ANKRD30B: variants seen among roughly 807,000 people sequenced by gnomAD.
ANKRD30B encodes ankyrin repeat domain 30B, also known as ankyrin repeat domain-containing protein 30B.
Under a neutral mutation model 202.2 loss-of-function variants are expected in ANKRD30B, and 144 were observed. That is an observed-to-expected ratio of 0.71 (90% CI 0.62 to 0.82). The LOEUF (loss-of-function observed/expected upper bound fraction) is 0.82, where lower values mean the gene tolerates loss of function less well. Among genes scored for constraint, ANKRD30B ranks in the 40% least tolerant of loss-of-function variants. The probability of loss-of-function intolerance (pLI) is 0.00; values close to 1 mark genes in which losing one functional copy is unlikely to be tolerated. For synonymous variants in ANKRD30B, 508 were observed against 561.3 expected (o/e 0.91, Z 1.34); for missense variants, 1,487 against 1,669.1 (o/e 0.89, Z 1.90).
At chr18:14,796,119 A>G in intron 16 of ANKRD30B, 102 bp from the exon 17 acceptor site, 2 of 1,284,536 alleles carry the variant, frequency 1.6e-6, no homozygotes, top group South Asian at 1.2e-5. Context: ...TCCCTTTTCA[A>G]TCCAAGCATG....
At chr18:14,795,979 A>G (rs1188424446) in intron 16 of ANKRD30B, among the ~76,000 whole-genome samples, 1 of 151,974 alleles carries the variant, frequency 6.6e-6, no homozygotes, top group African/African-American at 2.4e-5. Flanking sequence ...CAGTTGAAAT[A>G]TATTTTGATT....
At chr18:14,888,909 A>AACAG in the ANKRD30B span, 1 of 1,043,118 alleles carries the variant, frequency 9.6e-7, no homozygotes, top group Non-Finnish European at 1.4e-6. Context: ...TGTTAAAACA[A>AACAG]ACAAACAAAC....
At chr18:14,805,504 A>T (rs978567578) in intron 24 of ANKRD30B, among the ~76,000 whole-genome samples, 2 of 150,518 alleles carry the variant, frequency 1.3e-5, no homozygotes, top group African/African-American at 4.9e-5. Context: ...CGGGTATGAA[A>T]ATCAATGAAT....
rs2143286139 is a variant in ANKRD30B at position 14,853,898 on chromosome 18, G to A, written c.4566G>A (p.Leu1522=). Residue 1522 remains leucine (L), a synonymous_variant, in exon 43 of 44, where the codon CTG becomes CTA. Transcript: ENST00000690538. ...AGGTTACATCACATTCTCACTCTCT[G>A]AGGCATCAATAGAGGCTACATCACA... The part of the protein sequence containing the change: ...SLKVTSHSHS[L]RHQ 6.6e-6 allele frequency among the ~76,000 whole-genome samples: 1 copy of A among 152,252 alleles called. No homozygotes were observed. Among genetic ancestry groups the A allele is most frequent in the South Asian group, 2.1e-4 (1 of 4,814 alleles).
Position 14,752,886 on chromosome 18 carries a change from T to C in ANKRD30B, c.384T>C (p.Ala128=). 3 of 1,609,058 alleles carry C rather than the reference T, an allele frequency of 1.9e-6. No individual in the cohort carries two copies. The highest frequency in any genetic ancestry group is 1.1e-5 in the South Asian group (1 of 90,420). ...REACANILID[A]GADLNYVDVY... ...CTTGTGCAAATATTCTCATAGATGC[T>C]GGTGCTGATCTAAATTATGTAGATG... Residue 128 remains alanine, a synonymous_variant, in exon 3 of 44, where the codon GCT becomes GCC. Coordinates refer to ENST00000690538, the MANE Select transcript of ANKRD30B (RefSeq NM_001367607.2).
At chr18:14,883,098 G>A in the ANKRD30B span, among the ~76,000 whole-genome samples, 1 of 152,082 alleles carries the variant, frequency 6.6e-6, no homozygotes, top group Admixed American at 6.6e-5. Flanking sequence ...GGAAGGGCTG[G>A]GAGGGAATAA....
intron 30 of ANKRD30B, among the ~76,000 whole-genome samples, chr18:14,821,509 G>A (rs1230873886): frequency 6.6e-6 from 1 of 152,170 alleles, no homozygotes; most frequent in Non-Finnish European, 1.5e-5. Flanking sequence ...CCAGGCTGGA[G>A]CGCAGTGGCA....
chr18:14,873,929 A>G, the ANKRD30B span, among the ~76,000 whole-genome samples: 5 of 152,148 alleles, frequency 3.3e-5, no homozygotes, highest in East Asian at 9.7e-4. Context: ...ACCTGCCAGC[A>G]CTTGTTTTCT....
At chr18:14,804,501 A>G (rs905207955) in intron 24 of ANKRD30B, among the ~76,000 whole-genome samples, 6 of 149,230 alleles carry the variant, frequency 4.0e-5, no homozygotes, top group African/African-American at 1.5e-4. Context: ...ACTGTGATTC[A>G]GCCGACTAGG....
the ANKRD30B span, among the ~76,000 whole-genome samples, chr18:14,892,452 G>A: frequency 6.6e-6 from 1 of 151,992 alleles, no homozygotes; most frequent in African/African-American, 2.4e-5. Context: ...TTTACAAGAG[G>A]TGATGGCTGG....
At chr18:14,925,155 G>A in the ANKRD30B span, among the ~76,000 whole-genome samples, 8 of 152,308 alleles carry the variant, frequency 5.3e-5, no homozygotes, top group East Asian at 1.9e-4. Context: ...GGAAGAAAGT[G>A]GAATCTGAGT....
the ANKRD30B span, among the ~76,000 whole-genome samples, chr18:14,925,250 G>A: frequency 6.6e-6 from 1 of 152,202 alleles, no homozygotes; most frequent in Admixed American, 6.5e-5. Flanking sequence ...GACATGGGAA[G>A]CACTGAGCTG....
chr18:14,878,819 T>A, the ANKRD30B span, among the ~76,000 whole-genome samples: 1 of 152,170 alleles, frequency 6.6e-6, no homozygotes, highest in Non-Finnish European at 1.5e-5. Context: ...TCTAAAAGAT[T>A]GTTAAGTAAG....
rs952275282 is a variant in ANKRD30B at position 14,769,367 on chromosome 18, T to C, written c.1250T>C (p.Ile417Thr). The C allele has an allele frequency of 1.9e-6, 3 of 1,545,126 alleles. No individual in the cohort carries two copies. Among genetic ancestry groups the C allele is most frequent in the African/African-American group, 1.4e-5 (1 of 72,830 alleles). Reference protein sequence around the residue: ...TNVDVSSVEPIFSLFGTRTIE... With the variant: ...TNVDVSSVEPTFSLFGTRTIE... ...GTGGATGTGAGTTCTGTAGAGCCTA[T>C]ATTCAGGTAAGACTTTGCGGTTTTT... Residue 417 changes from isoleucine (I) to threonine (T), a missense_variant, in exon 8 of 44, where the codon ATA (isoleucine) becomes ACA (threonine). By Grantham distance (89) the Ile-to-Thr change is moderately conservative. Coordinates refer to ENST00000690538, the MANE Select transcript of ANKRD30B (RefSeq NM_001367607.2).
chr18:14,754,012 A>G (rs1309076595), intron 3 of ANKRD30B, among the ~76,000 whole-genome samples: 2 of 152,184 alleles, frequency 1.3e-5, no homozygotes, highest in African/African-American at 2.4e-5. Context: ...GGATCCTAGG[A>G]TTATCATTAT....
intron 36 of ANKRD30B, among the ~76,000 whole-genome samples, chr18:14,840,008 GT>G (rs1971349278): frequency 6.6e-6 from 1 of 152,130 alleles, no homozygotes; most frequent in Non-Finnish European, 1.5e-5. Context: ...ATATGCACGA[GT>G]GAATTTTTTT....
the ANKRD30B span, among the ~76,000 whole-genome samples, chr18:14,923,559 T>C: frequency 6.6e-6 from 1 of 151,910 alleles, no homozygotes; most frequent in Non-Finnish European, 1.5e-5. Context: ...TCTCTGGACC[T>C]TCCTGGGTCC....
At chr18:14,829,424 G>T (rs1970808060) in intron 33 of ANKRD30B, among the ~76,000 whole-genome samples, 1 of 152,124 alleles carries the variant, frequency 6.6e-6, no homozygotes, top group Admixed American at 6.6e-5. Flanking sequence ...AAAGGGGATG[G>T]ATCTGATTAA....
chr18:14,916,997 C>T, the ANKRD30B span, among the ~76,000 whole-genome samples: 2 of 152,132 alleles, frequency 1.3e-5, no homozygotes, highest in African/African-American at 2.4e-5. Flanking sequence ...ACTGTTTCCA[C>T]GCTGGCCACC....
Sources: allele counts gnomAD v4.1 joint callset (sites outside exome capture counted in the v4.1 genomes callset), GRCh38; gene constraint gnomAD v4.1.1; transcripts MANE v1.5; gene names NCBI Gene and HGNC (gene_info 2026-07-23, HGNC 2026-07-21).